IGFL2: variants seen among roughly 807,000 people sequenced by gnomAD.
The protein encoded by IGFL2 is insulin growth factor-like family member 2.
A neutral mutation model predicts 13.9 loss-of-function variants in IGFL2; 7 were observed. The ratio of observed to expected loss-of-function variants is 0.51; its 90% confidence interval spans 0.29 to 0.95. The LOEUF (loss-of-function observed/expected upper bound fraction) is 0.95, where lower values mean the gene tolerates loss of function less well. IGFL2 is among the 40% of genes least tolerant of loss of function. The pLI, the probability that IGFL2 is intolerant of heterozygous loss-of-function variation, is 0.08. For synonymous variants in IGFL2, 55 were observed against 55.8 expected (o/e 0.99, Z 0.07); for missense variants, 138 against 147.8 (o/e 0.93, Z 0.34).
the IGFL2 span, chr19:46,209,839 G>A: frequency 6.6e-6 from 1 of 152,214 alleles, no homozygotes; most frequent in African/African-American, 2.4e-5. Context: ...GGGCCATAAT[G>A]TATTTGAGAG....
the IGFL2 span, among the ~76,000 whole-genome samples, chr19:46,100,250 G>A: frequency 1.3e-5 from 2 of 152,092 alleles, no homozygotes; most frequent in Non-Finnish European, 1.5e-5. Flanking sequence ...TCATCTATAT[G>A]AGTTTGTCTA....
chr19:46,195,479 A>G, the IGFL2 span, among the ~76,000 whole-genome samples: 1 of 152,328 alleles, frequency 6.6e-6, no homozygotes. Flanking sequence ...AACTTGCTGT[A>G]ATGATGTGCC....
chr19:46,083,710 A>G, the IGFL2 span, among the ~76,000 whole-genome samples: 1 of 152,236 alleles, frequency 6.6e-6, no homozygotes, highest in African/African-American at 2.4e-5. Flanking sequence ...AGAGTCACAA[A>G]GAGTGGGAGG....
chr19:46,109,324 T>C, the IGFL2 span, among the ~76,000 whole-genome samples: 4 of 151,850 alleles, frequency 2.6e-5, no homozygotes, highest in Admixed American at 2.6e-4. Flanking sequence ...AAAGTACTTT[T>C]TTTTTTTTTT....
At chr19:46,096,267 A>C in the IGFL2 span, among the ~76,000 whole-genome samples, 1 of 151,698 alleles carries the variant, frequency 6.6e-6, no homozygotes, top group Non-Finnish European at 1.5e-5. Flanking sequence ...TAGGTATTTT[A>C]TTCTCTTTGT....
chr19:46,161,317 TC>T (rs756539004), downstream of IGFL2: 31 of 394,468 alleles, frequency 7.9e-5, no homozygotes, highest in Non-Finnish European at 1.0e-4. Flanking sequence ...TCGTCTCCTT[TC>T]TTTTTTTTTT....
At chr19:46,169,700 C>A in the IGFL2 span, among the ~76,000 whole-genome samples, 1 of 151,820 alleles carries the variant, frequency 6.6e-6, no homozygotes, top group Non-Finnish European at 1.5e-5. Flanking sequence ...ATACAAAAAT[C>A]AACCAGGTGT....
chr19:46,165,142 C>G (rs1344078911), downstream of IGFL2, among the ~76,000 whole-genome samples: 1 of 152,218 alleles, frequency 6.6e-6, no homozygotes, highest in Non-Finnish European at 1.5e-5. Flanking sequence ...ACAAGCTAAA[C>G]TCACAGTGAA....
At chr19:46,124,594 A>G in the IGFL2 span, 6 of 1,589,014 alleles carry the variant, frequency 3.8e-6, no homozygotes, top group African/African-American at 1.4e-5. Context: ...GAATGAGATG[A>G]GATGATGTTT....
chr19:46,094,220 T>G, the IGFL2 span, among the ~76,000 whole-genome samples: 1 of 152,026 alleles, frequency 6.6e-6, no homozygotes, highest in Non-Finnish European at 1.5e-5. Flanking sequence ...ATCTTATTGG[T>G]GAATGGAAGA....
At chr19:46,191,678 A>G in the IGFL2 span, among the ~76,000 whole-genome samples, 1 of 152,112 alleles carries the variant, frequency 6.6e-6, no homozygotes, top group African/African-American at 2.4e-5. Flanking sequence ...GGAGAGCCGC[A>G]GGTCATCACA....
chr19:46,099,762 G>A, the IGFL2 span, among the ~76,000 whole-genome samples: 6 of 151,936 alleles, frequency 3.9e-5, no homozygotes, highest in Non-Finnish European at 4.4e-5. Context: ...TCCTGACCTC[G>A]TGATCCACCT....
chr19:46,170,935 C>T, the IGFL2 span, among the ~76,000 whole-genome samples: 6 of 152,144 alleles, frequency 3.9e-5, no homozygotes, highest in East Asian at 1.9e-4. Flanking sequence ...CTTGTGATCT[C>T]GCCCTGACCT....
At chr19:46,107,871 G>C in the IGFL2 span, among the ~76,000 whole-genome samples, 1 of 152,190 alleles carries the variant, frequency 6.6e-6, no homozygotes, top group African/African-American at 2.4e-5. Context: ...CATGAACTGG[G>C]CTGGGTTTTT....
chr19:46,158,822 G>A lies in IGFL2; in HGVS notation c.20-1593G>A, dbSNP rs552309373. The stretch of plus-strand genomic sequence containing the variant: ...GAGCCCTCCCTAAGGTTACTGATGC[G>A]GTCAGGATGATTAGGAGTAAGGGCT... On this transcript the variant is annotated intron_variant, in intron 1 of 3. Transcript: ENST00000377693. Among the ~76,000 whole-genome samples, 6 of 152,210 alleles carry A rather than the reference G, an allele frequency of 3.9e-5. No individual in the cohort carries two copies. The East Asian group carries it at 7.7e-4, about 20-fold the overall frequency.
the IGFL2 span, chr19:46,180,596 T>C: frequency 6.6e-6 from 1 of 152,254 alleles, no homozygotes; most frequent in South Asian, 2.1e-4. Flanking sequence ...TTAAGGAGAA[T>C]TGACTCACAT....
chr19:46,079,618 C>T, the IGFL2 span, among the ~76,000 whole-genome samples: 1 of 152,166 alleles, frequency 6.6e-6, no homozygotes, highest in Non-Finnish European at 1.5e-5. Context: ...TCGCCTGTAC[C>T]TGAATGGCAG....
At chr19:46,130,528 G>A in the IGFL2 span, among the ~76,000 whole-genome samples, 1 of 152,110 alleles carries the variant, frequency 6.6e-6, no homozygotes, top group South Asian at 2.1e-4. Context: ...GTTCTTGGAA[G>A]CACCTTTTCA....
chr19:46,169,057 A>G, the IGFL2 span, among the ~76,000 whole-genome samples: 2,876 of 152,028 alleles, frequency 0.019, 87 homozygotes, highest in African/African-American at 0.066. Context: ...TTCTTTTTTA[A>G]TTAGCCAGGT....
Sources: gnomAD v4.1 joint callset for allele counts (sites outside exome capture counted in the v4.1 genomes callset) on GRCh38, gnomAD v4.1.1 for gene constraint, MANE v1.5 for transcripts, NCBI Gene and HGNC (gene_info 2026-07-23, HGNC 2026-07-21) for gene names.